Variants in BACH2 observed in about 807,000 individuals in gnomAD.
BACH2 encodes transcription regulator protein BACH2.
Under a neutral mutation model 61.8 loss-of-function variants are expected in BACH2, and 5 were observed. That is an observed-to-expected ratio of 0.08 (90% CI 0.04 to 0.17). The LOEUF (loss-of-function observed/expected upper bound fraction) is 0.17. Among genes scored for constraint, BACH2 ranks in the 10% least tolerant of loss-of-function variants. The pLI is 1.00. For missense variants in BACH2, 824 were observed against 1,091.1 expected (o/e 0.76, Z 3.45); for synonymous variants, 446 against 440.1 (o/e 1.01, Z -0.17).
At chr6:90,163,829 A>G (rs1767496003) in intron 4 of BACH2, among the ~76,000 whole-genome samples, 1 of 152,224 alleles carries the variant, frequency 6.6e-6, no homozygotes, top group Non-Finnish European at 1.5e-5. Flanking sequence ...AAGACACATA[A>G]TATACTTTTT....
chr6:90,284,527 G>A (rs962215876), intron 1 of BACH2, among the ~76,000 whole-genome samples: 10 of 152,160 alleles, frequency 6.6e-5, no homozygotes, highest in African/African-American at 2.4e-4. Context: ...TTTCCTTTCT[G>A]CATTCAGGGA....
chr6:90,243,541 G>A (rs1770528298), intron 3 of BACH2, among the ~76,000 whole-genome samples: 1 of 152,152 alleles, frequency 6.6e-6, no homozygotes, highest in South Asian at 2.1e-4. Flanking sequence ...GGAAACATCA[G>A]TTTTCCATTG....
Position 89,932,542 on chromosome 6 carries a change from C to A in BACH2, c.2392G>T (p.Gly798Cys), listed in dbSNP as rs1244449076. The change falls in exon 9 of 9, where the codon GGC becomes TGC. Residue 798 changes from glycine to cysteine, a missense_variant. Coordinates refer to ENST00000257749, the MANE Select transcript of BACH2 (RefSeq NM_021813.4). ...TCTGAGAAGGTTCCCGGGTCAGTGC[C>A]TTCTAGTCTCCTCCCAGAGGTACAA... is the stretch of plus-strand genomic sequence containing the variant. The part of the protein sequence containing the change: ...ENCTSGRRLE[G>C]TDPGTFSERG... 5.0e-6 allele frequency: 8 copies of A among 1,613,884 alleles called. No homozygotes were observed. Among genetic ancestry groups the A allele is most frequent in the Non-Finnish European group, 6.8e-6 (8 of 1,179,994 alleles).
At chr6:90,073,368 C>T (rs1459623688) in intron 5 of BACH2, among the ~76,000 whole-genome samples, 1 of 152,230 alleles carries the variant, frequency 6.6e-6, no homozygotes, top group Non-Finnish European at 1.5e-5. Flanking sequence ...ACACAGAATG[C>T]TCTCATTCCT....
intron 4 of BACH2, among the ~76,000 whole-genome samples, chr6:90,140,333 T>C (rs972445909): frequency 6.6e-6 from 1 of 152,120 alleles, no homozygotes; most frequent in Non-Finnish European, 1.5e-5. Flanking sequence ...ACTAGCAGTG[T>C]CTCCCATAAT....
At chr6:90,090,752 C>T (rs1355463077) in intron 4 of BACH2, among the ~76,000 whole-genome samples, 1 of 152,054 alleles carries the variant, frequency 6.6e-6, no homozygotes, top group Non-Finnish European at 1.5e-5. Flanking sequence ...GAAATAATTC[C>T]CATAATATCG....
chr6:89,926,795 A>G lies in BACH2; in HGVS notation c.*5613T>C, dbSNP rs974468457. The G allele has an allele frequency of 1.3e-5, 2 of 152,744 alleles. No homozygotes were observed. Among genetic ancestry groups the G allele is most frequent in the Non-Finnish European group, 2.9e-5 (2 of 68,040 alleles). The allele number at this position is 152,744 out of a possible 1,614,324, so 9.5% of individuals were successfully genotyped here. ...ACGAGAAAAACCACAATCACTTAGA[A>G]AAAAATAAGGACAAGCCTAAGAACT... On this transcript the variant is annotated 3_prime_UTR_variant, in exon 9 of 9. Transcript: ENST00000257749.
chr6:89,960,855 T>C (rs1047340429), intron 6 of BACH2, among the ~76,000 whole-genome samples: 18 of 152,342 alleles, frequency 1.2e-4, no homozygotes, highest in Admixed American at 6.5e-4. Context: ...CTCTCTGTGA[T>C]AGTCGGCTCA....
At chr6:90,247,440 G>A (rs987896053) in intron 3 of BACH2, among the ~76,000 whole-genome samples, 1 of 151,362 alleles carries the variant, frequency 6.6e-6, no homozygotes, top group African/African-American at 2.4e-5. Flanking sequence ...TGTTGCCCAG[G>A]CTGGTCTTGA....
chr6:90,239,897 A>G (rs1185854913), intron 3 of BACH2, among the ~76,000 whole-genome samples: 1 of 152,000 alleles, frequency 6.6e-6, no homozygotes, highest in East Asian at 1.9e-4. Flanking sequence ...AATTAAAACC[A>G]CATACAAGAA....
rs530250136 is a variant in BACH2 at position 89,952,430 on chromosome 6, C to T, written c.244-568G>A. ...TTTTGCTCATCCATCACAGTTTCTA[C>T]TTGAGACTTTCGGTCATCATGTCTA... On this transcript the variant is annotated intron_variant, in intron 6 of 8. Transcript: ENST00000257749. Among the ~76,000 whole-genome samples, 275 of 152,312 alleles carry T rather than the reference C, an allele frequency of 1.8e-3. 1 individual carries two copies. The highest frequency in any genetic ancestry group is 3.2e-3 in the Non-Finnish European group (217 of 68,028).
chr6:90,216,444 A>G (rs1769538928), intron 3 of BACH2, among the ~76,000 whole-genome samples: 2 of 152,142 alleles, frequency 1.3e-5, no homozygotes, highest in African/African-American at 4.8e-5. Flanking sequence ...CTTTCTGCTA[A>G]TGTCGACTTC....
intron 4 of BACH2, among the ~76,000 whole-genome samples, chr6:90,133,781 A>G (rs1429021583): frequency 1.3e-5 from 2 of 152,108 alleles, no homozygotes; most frequent in East Asian, 3.9e-4. Flanking sequence ...TATGAGTGAG[A>G]ACATGCGGTG....
intron 6 of BACH2, among the ~76,000 whole-genome samples, chr6:89,956,314 G>A (rs1263332862): frequency 6.6e-6 from 1 of 152,162 alleles, no homozygotes; most frequent in African/African-American, 2.4e-5. Flanking sequence ...CTCGGAGAAG[G>A]CAGAAAGTTA....
rs988017377 is a variant in BACH2, at chr6:89,950,760, G to A, written c.1346C>T (p.Ser449Phe). Residue 449 changes from serine to phenylalanine, a missense_variant, in exon 7 of 9, where the codon TCT (serine) becomes TTT (phenylalanine). Physicochemically the swap from Ser to Phe is radical, Grantham distance 155 (BLOSUM62 -2). Transcript: ENST00000257749. This position sits in a 1 kb window ranked among gnomAD's most constrained non-coding sequence, Gnocchi z 5.3. ...DQVSTSVHSY[S>F]GVSSLDKDLS... is the part of the protein sequence containing the mutation. ...GTCTTTGTCCAAACTGCTCACCCCA[G>A]AATAAGAATGCACCGAGGTGCTCAC... 17 of 1,614,176 alleles carry A rather than the reference G, an allele frequency of 1.1e-5. No homozygotes were observed. The highest frequency in any genetic ancestry group is 1.4e-5 in the Non-Finnish European group (16 of 1,180,032).
At chr6:90,237,519 T>G (rs1430029467) in intron 3 of BACH2, among the ~76,000 whole-genome samples, 1 of 152,210 alleles carries the variant, frequency 6.6e-6, no homozygotes, top group Non-Finnish European at 1.5e-5. Context: ...ATGTTAATAC[T>G]CACGGTGAAT....
rs1774048823 is a variant in BACH2, at chr6:89,950,873, G to A, written c.1233C>T (p.Leu411=). 1.2e-6 allele frequency: 2 copies of A among 1,609,062 alleles called. No homozygotes were observed. Among genetic ancestry groups the A allele is most frequent in the Admixed American group, 1.7e-5 (1 of 59,684 alleles). ...EVSNFTMGSP[L]RGPGLEALCK... is the part of the protein sequence containing the mutation. ...AGAGAGCCTCCAACCCAGGCCCCCT[G>A]AGGGGCGACCCCATGGTGAAGTTGG... Residue 411 remains leucine (L), a synonymous_variant, in exon 7 of 9, where the codon CTC becomes CTT. Transcript: ENST00000257749. The surrounding 1 kb of genome is among the most constrained non-coding windows in gnomAD (Gnocchi z 5.3).
chr6:90,103,029 A>ATATATATATATTTTTTT, intron 4 of BACH2, among the ~76,000 whole-genome samples: 6 of 21,166 alleles, frequency 2.8e-4, no homozygotes, highest in Non-Finnish European at 4.0e-4. Flanking sequence ...ATATATATAT[A>ATATATATATATTTTTTT]TTTTTTTTTT....
At chr6:89,997,075 C>T (rs910050321) in intron 6 of BACH2, among the ~76,000 whole-genome samples, 2 of 152,084 alleles carry the variant, frequency 1.3e-5, no homozygotes, top group Admixed American at 1.3e-4. Flanking sequence ...TGGTGCCTCT[C>T]TCCCATGTCT....
Sources: allele counts gnomAD v4.1 joint callset (sites outside exome capture counted in the v4.1 genomes callset), GRCh38; gene constraint gnomAD v4.1.1; non-coding constraint Gnocchi (gnomAD v3.1); transcripts MANE v1.5; gene names NCBI Gene and HGNC (gene_info 2026-07-23, HGNC 2026-07-21).